The following CPED1 variants were observed in gnomAD, a reference collection of about 807,000 sequenced individuals.
CPED1 encodes cadherin-like and PC-esterase domain-containing protein 1.
Under a neutral mutation model 128.2 loss-of-function variants are expected in CPED1, and 114 were observed. That is an observed-to-expected ratio of 0.89 (90% CI 0.76 to 1.04). CPED1 has a LOEUF of 1.04. Ranked by LOEUF, CPED1 falls within the 50% of genes least tolerant of loss-of-function variation. The pLI is 0.00. For missense variants in CPED1, 1,211 were observed against 1,207.1 expected (o/e 1.00, Z -0.05); for synonymous variants, 462 against 426.7 (o/e 1.08, Z -1.02).
intron 2 of CPED1, among the ~76,000 whole-genome samples, chr7:120,997,241 T>C (rs897020506): frequency 6.6e-6 from 1 of 152,246 alleles, no homozygotes; most frequent in Non-Finnish European, 1.5e-5. Context: ...ATTGTAACTA[T>C]TTATAAATGA....
At chr7:121,055,990 T>C (rs1471715987) in intron 4 of CPED1, among the ~76,000 whole-genome samples, 1 of 152,120 alleles carries the variant, frequency 6.6e-6, no homozygotes, top group Non-Finnish European at 1.5e-5. Flanking sequence ...ATTATGATAA[T>C]AGTGTTACTT....
At chr7:121,050,914 CAAG>C (rs1460403293) in intron 4 of CPED1, 8 of 486,036 alleles carry the variant, frequency 1.6e-5, no homozygotes, top group Middle Eastern at 3.6e-4. Flanking sequence ...CCAGGATGCC[CAAG>C]AAGAAGGTCA....
intron 6 of CPED1, among the ~76,000 whole-genome samples, chr7:121,098,818 T>TAAATA: frequency 7.2e-6 from 1 of 138,780 alleles, no homozygotes; most frequent in African/African-American, 2.9e-5. Context: ...ATAAATAATA[T>TAAATA]ATATATAAAT....
chr7:121,190,275 C>T (rs1426816931), intron 16 of CPED1, among the ~76,000 whole-genome samples: 1 of 151,346 alleles, frequency 6.6e-6, no homozygotes, highest in African/African-American at 2.4e-5. Context: ...AGTGCAAAAG[C>T]CCTGGGGTGT....
chr7:121,135,955 ATTAAG>A (rs1277087894), intron 13 of CPED1, 80 bp from the exon 14 acceptor site: 2 of 1,054,174 alleles, frequency 1.9e-6, no homozygotes, highest in Non-Finnish European at 1.3e-6. Flanking sequence ...AACATGTTTT[ATTAAG>A]TTATCTAATA....
At chr7:121,066,874 C>T (rs1196147056) in intron 5 of CPED1, among the ~76,000 whole-genome samples, 3 of 152,110 alleles carry the variant, frequency 2.0e-5, no homozygotes, top group African/African-American at 7.2e-5. Flanking sequence ...CTTGAATTTG[C>T]TGCATGTTGA....
At chr7:121,038,691 C>T (rs1792965616) in intron 3 of CPED1, among the ~76,000 whole-genome samples, 1 of 151,840 alleles carries the variant, frequency 6.6e-6, no homozygotes, top group Non-Finnish European at 1.5e-5. Flanking sequence ...TACCATATTA[C>T]ATTTAGTCAT....
At chr7:121,261,993 A>G (rs998919784) in intron 18 of CPED1, 9 of 370,724 alleles carry the variant, frequency 2.4e-5, no homozygotes, top group African/African-American at 1.5e-4. Context: ...AGTGGGACCT[A>G]TTGGAAGTTG....
At chr7:121,160,921 C>T (rs1237016193) in intron 16 of CPED1, among the ~76,000 whole-genome samples, 1 of 152,082 alleles carries the variant, frequency 6.6e-6, no homozygotes, top group Admixed American at 6.5e-5. Context: ...TGAGGCTACC[C>T]CCCAACAATG....
At chr7:121,186,968 A>G (rs776754664) in intron 16 of CPED1, among the ~76,000 whole-genome samples, 10 of 152,142 alleles carry the variant, frequency 6.6e-5, no homozygotes, top group Non-Finnish European at 1.2e-4. Context: ...ATAGGCTATA[A>G]ACTGGCCAAA....
chr7:121,031,070 A>C (rs1156936969), intron 3 of CPED1, among the ~76,000 whole-genome samples: 1 of 152,240 alleles, frequency 6.6e-6, no homozygotes, highest in Non-Finnish European at 1.5e-5. Context: ...AATATCATAC[A>C]GATTTCCTGC....
At chr7:121,169,303 A>C (rs1796600783) in intron 16 of CPED1, among the ~76,000 whole-genome samples, 1 of 152,192 alleles carries the variant, frequency 6.6e-6, no homozygotes, top group African/African-American at 2.4e-5. Flanking sequence ...TCTATAAAGA[A>C]GGTAATTGGG....
At chr7:121,108,031 A>C (rs919187236) in intron 7 of CPED1, among the ~76,000 whole-genome samples, 1 of 152,142 alleles carries the variant, frequency 6.6e-6, no homozygotes, top group Non-Finnish European at 1.5e-5. Context: ...TTTCAAATTT[A>C]GAAGAAACAG....
At chr7:121,041,862 C>G (rs998314809) in intron 3 of CPED1, among the ~76,000 whole-genome samples, 1 of 152,140 alleles carries the variant, frequency 6.6e-6, no homozygotes, top group South Asian at 2.1e-4. Context: ...TGGACCCTGA[C>G]GTCTCCTTCC....
At chr7:121,185,621 C>T (rs1008075637) in intron 16 of CPED1, among the ~76,000 whole-genome samples, 8 of 152,146 alleles carry the variant, frequency 5.3e-5, no homozygotes, top group Admixed American at 2.0e-4. Context: ...AGACAATGTT[C>T]AACATGACTG....
At chr7:121,031,985 A>G (rs1046096338) in intron 3 of CPED1, among the ~76,000 whole-genome samples, 4 of 152,194 alleles carry the variant, frequency 2.6e-5, no homozygotes, top group Non-Finnish European at 5.9e-5. Flanking sequence ...AATTAGTGAT[A>G]TCACCTATTG....
intron 16 of CPED1, among the ~76,000 whole-genome samples, chr7:121,186,563 A>G (rs1797009879): frequency 6.6e-6 from 1 of 152,152 alleles, no homozygotes; most frequent in Non-Finnish European, 1.5e-5. Context: ...CTATACACAC[A>G]TCTACCAAGA....
chr7:121,113,573 C>G (rs976426581), intron 7 of CPED1, among the ~76,000 whole-genome samples: 6 of 152,050 alleles, frequency 3.9e-5, no homozygotes, highest in Admixed American at 1.3e-4. Context: ...AGTCTTGGAA[C>G]TATAAACTGC....
At chr7:121,019,854 A>G (rs1359006122) in intron 3 of CPED1, among the ~76,000 whole-genome samples, 2 of 152,048 alleles carry the variant, frequency 1.3e-5, no homozygotes, top group Non-Finnish European at 2.9e-5. Flanking sequence ...TAGAAGCACC[A>G]TTCAATTATT....
Sources: allele counts gnomAD v4.1 joint callset (sites outside exome capture counted in the v4.1 genomes callset), GRCh38; gene constraint gnomAD v4.1.1; transcripts MANE v1.5; gene names NCBI Gene and HGNC (gene_info 2026-07-23, HGNC 2026-07-21).